PSIP1: variants seen among roughly 807,000 people sequenced by gnomAD.
PSIP1 encodes the protein PC4 and SRSF1 interacting protein 1.
In PSIP1, 19 loss-of-function variants were observed where a neutral mutation model predicts 74.7. That is an observed-to-expected ratio of 0.25 (90% CI 0.18 to 0.37). The LOEUF (loss-of-function observed/expected upper bound fraction) is 0.37. PSIP1 is among the 10% of genes least tolerant of loss of function. PSIP1 has a pLI of 1.00. For synonymous variants in PSIP1, 222 were observed against 195.3 expected, an observed-to-expected ratio of 1.14 and a Z score of -1.14; for missense variants, 601 against 614.3, an observed-to-expected ratio of 0.98 and a Z score of 0.23.
At chr9:15,465,949 A>G (rs1344988193) in intron 15 of PSIP1, 1 of 174,026 alleles carries the variant, frequency 5.7e-6, no homozygotes, top group East Asian at 1.6e-4. Flanking sequence ...AGAGGTTGAT[A>G]CACACATAGA....
intron 3 of PSIP1, chr9:15,505,139 A>G (rs2037529421): frequency 6.6e-6 from 1 of 152,068 alleles, no homozygotes; most frequent in Non-Finnish European, 1.5e-5. Context: ...CAGTTTCACC[A>G]TGTTGCAGGC....
At chr9:15,505,053 C>T (rs1245442231) in intron 3 of PSIP1, 1 of 151,596 alleles carries the variant, frequency 6.6e-6, no homozygotes, top group Non-Finnish European at 1.5e-5. Context: ...ACGGTTCCAC[C>T]TCAGCCTCTG....
Position 15,473,499 on chromosome 9 carries a change from T to C in PSIP1, c.858+510A>G, listed in dbSNP as rs999565968. Among the ~76,000 whole-genome samples, 4 of 152,228 alleles carry C rather than the reference T, an allele frequency of 2.6e-5. No individual in the cohort carries two copies. In the East Asian group the frequency reaches 7.7e-4, roughly 29 times the overall value. ...ATAAAGGGACGTTTTCAATATGCTT[T>C]GTAACACAGCTAATTCAAGTCTATT... On this transcript the variant is annotated intron_variant, in intron 9 of 15. Transcript: ENST00000380733.
Position 15,478,486 on chromosome 9 carries a change from T to C in PSIP1, c.620A>G (p.Glu207Gly). ...PKMVKQPCPSESDIITEEDKS... is the reference protein window; with the variant it reads ...PKMVKQPCPSGSDIITEEDKS... ...TTAAAAATAAACTCACATGTCACTC[T>C]CTGAAGGACAGGGCTGTTTTACCAT... is the stretch of plus-strand genomic sequence containing the variant. The change falls in exon 8 of 16, where the codon GAG (glutamate) becomes GGG (glycine). Residue 207 changes from glutamate (E) to glycine (G), a missense_variant. By Grantham distance (98) the Glu-to-Gly change is moderately conservative. This residue lies in a region of PSIP1 where 538 missense variants were observed against 507.6 expected (regional missense o/e 1.06). Coordinates refer to ENST00000380733, the MANE Select transcript of PSIP1 (RefSeq NM_033222.5). The C allele has an allele frequency of 6.3e-7, 1 of 1,589,076 alleles. No individual in the cohort carries two copies. Among genetic ancestry groups the C allele is most frequent in the Non-Finnish European group, 8.6e-7 (1 of 1,157,972 alleles).
At chr9:15,466,167 C>G (rs750885996) in intron 15 of PSIP1, among the ~76,000 whole-genome samples, 49 of 152,220 alleles carry the variant, frequency 3.2e-4, no homozygotes, top group Non-Finnish European at 4.9e-4. Context: ...CACCTGAGGT[C>G]AGGAGTTCGA....
intron 3 of PSIP1, among the ~76,000 whole-genome samples, chr9:15,493,309 A>G (rs868770930): frequency 2.0e-4 from 31 of 152,106 alleles, no homozygotes; most frequent in South Asian, 2.1e-4. Context: ...CCAGTTCCCA[A>G]CACGCTCCTC....
chr9:15,501,840 C>CATATATATATATATATAT lies in PSIP1; in HGVS notation c.149+4703_149+4720dup, dbSNP rs112671758. On this transcript the variant is annotated intron_variant, in intron 3 of 15. Transcript: ENST00000380733. ...TGTTTAAGTCCCTTATATAAAACAGCATATATATATATATATATATATATA... is the reference window on the plus strand; with the variant it reads ...TGTTTAAGTCCCTTATATAAAACAGCATATATATATATATATATATATATATATATATATATATATATA... 4.7e-3 allele frequency among the ~76,000 whole-genome samples: 580 copies of CATATATATATATATATAT among 124,376 alleles called. 10 individuals carry two copies. The highest frequency in any genetic ancestry group is 0.014 in the African/African-American group (396 of 27,380). The allele number at this position is 124,376 out of a possible 152,430, so 81.6% of individuals were successfully genotyped here. A position where few individuals can be genotyped will look rare whatever the true frequency, so the allele number is the denominator to read the frequency against.
chr9:15,495,703 C>A (rs2037042425), intron 3 of PSIP1, among the ~76,000 whole-genome samples: 1 of 152,170 alleles, frequency 6.6e-6, no homozygotes, highest in Admixed American at 6.5e-5. Context: ...AATATTTTAT[C>A]CTTCATGCTT....
rs936603885 is a variant in PSIP1 at position 15,505,611 on chromosome 9, T to C, written c.149+950A>G. ...ACAGTAGACTAGTGGTTGTTTACGG[T>C]TGGAGAGGGGAAAGTGATCATCAAA... On this transcript the variant is annotated intron_variant, in intron 3 of 15. Transcript: ENST00000380733. 3.9e-5 allele frequency: 6 copies of C among 152,290 alleles called. 1 individual carries two copies. The highest frequency in any genetic ancestry group is 1.3e-4 in the Admixed American group (2 of 15,300). 9.4% of individuals were successfully genotyped at this position (152,290 alleles called of 1,614,324 possible).
In PSIP1 at chr9:15,469,314, A is replaced by T; in HGVS notation, c.1056T>A (p.Leu352=). The T allele has an allele frequency of 1.3e-6, 2 of 1,572,440 alleles. No homozygotes were observed. The highest frequency in any genetic ancestry group is 1.7e-6 in the Non-Finnish European group (2 of 1,157,422). ...KKRETSMDSR[L]QRIHAEIKNS... ...TTTTAATCTCAGCATGTATCCTTTG[A>T]AGTCGAGAATCCATTGATGTTTCTA... is the stretch of plus-strand genomic sequence containing the variant. The change falls in exon 12 of 16, where the codon CTT becomes CTA. Residue 352 remains leucine (L), a synonymous_variant. Coordinates refer to ENST00000380733, the MANE Select transcript of PSIP1 (RefSeq NM_033222.5).
chr9:15,490,872 G>T (rs1049318013), intron 3 of PSIP1, among the ~76,000 whole-genome samples: 2 of 152,018 alleles, frequency 1.3e-5, no homozygotes, highest in Non-Finnish European at 2.9e-5. Flanking sequence ...AGTATGTTAA[G>T]AATTTTATTT....
At chr9:15,510,608 G>T (rs1390301762) in intron 1 of PSIP1, among the ~76,000 whole-genome samples, 1 of 152,112 alleles carries the variant, frequency 6.6e-6, no homozygotes, top group Non-Finnish European at 1.5e-5. Context: ...AGCCCCAAAA[G>T]GGAGGGGGTG....
chr9:15,503,124 TGG>T (rs1293060011), intron 3 of PSIP1, among the ~76,000 whole-genome samples: 1 of 152,212 alleles, frequency 6.6e-6, no homozygotes, highest in African/African-American at 2.4e-5. Flanking sequence ...CCCAGCACTT[TGG>T]GAGGCCAAGG....
At chr9:15,476,403 G>T (rs1230570631) in intron 8 of PSIP1, among the ~76,000 whole-genome samples, 1 of 152,168 alleles carries the variant, frequency 6.6e-6, no homozygotes, top group African/African-American at 2.4e-5. Flanking sequence ...TCAACTTGTG[G>T]CTTTGGGTGA....
intron 3 of PSIP1, among the ~76,000 whole-genome samples, chr9:15,494,026 T>C (rs931031268): frequency 1.3e-5 from 2 of 152,182 alleles, no homozygotes; most frequent in African/African-American, 2.4e-5. Flanking sequence ...GACGTAAGTA[T>C]GTTGATAATT....
At chr9:15,496,182 T>C (rs981409406) in intron 3 of PSIP1, among the ~76,000 whole-genome samples, 3 of 152,238 alleles carry the variant, frequency 2.0e-5, no homozygotes, top group African/African-American at 7.2e-5. Flanking sequence ...TGTTGTAGTT[T>C]ATACAATTAG....
chr9:15,472,673 T>G lies in PSIP1; in HGVS notation c.936A>C (p.Ala312=). 1 of 1,607,716 alleles carries G rather than the reference T, an allele frequency of 6.2e-7. No individual in the cohort carries two copies. The highest frequency in any genetic ancestry group is 8.5e-7 in the Non-Finnish European group (1 of 1,178,550). ...MLKGQHEKEA[A]DRKRKQEEQM... is the part of the protein sequence containing the mutation. ...GTTCCTCTTGCTTGCGTTTTCGATC[T>G]GCTGCTTCTTTCTCATGTTGGCCTT... is the stretch of plus-strand genomic sequence containing the variant. The change falls in exon 10 of 16, where the codon GCA becomes GCC. Residue 312 remains alanine (A), a synonymous_variant. Transcript: ENST00000380733.
chr9:15,501,840 CATATATATATATATAT>C (rs112671758), intron 3 of PSIP1, among the ~76,000 whole-genome samples: 5 of 124,532 alleles, frequency 4.0e-5, no homozygotes, highest in African/African-American at 1.5e-4. Flanking sequence ...TATAAAACAG[CATATATATATATATAT>C]ATATATATAT....
chr9:15,486,737 A>T, intron 5 of PSIP1, 90 bp downstream of exon 5: 1 of 887,708 alleles, frequency 1.1e-6, no homozygotes, highest in Non-Finnish European at 1.8e-6. Context: ...TACTTTAAAA[A>T]TTACTTACTA....
Sources: allele counts gnomAD v4.1 joint callset (sites outside exome capture counted in the v4.1 genomes callset), GRCh38; gene constraint gnomAD v4.1.1; regional missense constraint gnomAD v4.1.1; transcripts MANE v1.5; gene names NCBI Gene and HGNC (gene_info 2026-07-23, HGNC 2026-07-21).